Variants in LRFN5 observed in about 807,000 individuals in gnomAD.
LRFN5 encodes leucine-rich repeat and fibronectin type-III domain-containing protein 5.
LRFN5 carries 24 observed loss-of-function variants against 45.6 expected under a neutral mutation model. The observed-to-expected ratio is 0.53, with a 90% CI of 0.38 to 0.74. LRFN5 has a LOEUF of 0.74. Ranked by LOEUF, LRFN5 falls within the 30% of genes least tolerant of loss-of-function variation. The probability of loss-of-function intolerance (pLI) is 0.00; values close to 1 mark genes in which losing one functional copy is unlikely to be tolerated. For synonymous variants in LRFN5, 340 were observed against 313.8 expected, an observed-to-expected ratio of 1.08 and a Z score of -0.88; for missense variants, 776 against 861.5, an observed-to-expected ratio of 0.90 and a Z score of 1.24.
chr14:41,623,186 A>C (rs1888195816), intron 1 of LRFN5, among the ~76,000 whole-genome samples: 1 of 152,042 alleles, frequency 6.6e-6, no homozygotes, highest in Non-Finnish European at 1.5e-5. Flanking sequence ...TGAATAAATA[A>C]TTTTCCATTT....
chr14:41,756,420 A>G (rs10135180), intron 1 of LRFN5, among the ~76,000 whole-genome samples: 116,086 of 152,088 alleles, frequency 0.76, 44,347 homozygotes, highest in East Asian at 0.97. Flanking sequence ...CGTAGATTTG[A>G]CCTTTTCACA....
intron 2 of LRFN5, among the ~76,000 whole-genome samples, chr14:41,781,112 T>A (rs1886465776): frequency 6.6e-6 from 1 of 152,142 alleles, no homozygotes; most frequent in South Asian, 2.1e-4. Flanking sequence ...TATTTTACCT[T>A]TACTTTTTCT....
In LRFN5 at chr14:41,751,060, A is replaced by G. The variant is rs563942546; in HGVS notation, c.-196-15794A>G. Among the ~76,000 whole-genome samples the G allele has an allele frequency of 2.6e-5, 4 of 152,122 alleles. No homozygotes were observed. The South Asian group carries it at 8.3e-4, about 32-fold the overall frequency. ...ATTGTTCACCTCCCACTTATGAGTGAGAACATGCTACTTTTAAAACCATCA... is the reference window on the plus strand; with the variant it reads ...ATTGTTCACCTCCCACTTATGAGTGGGAACATGCTACTTTTAAAACCATCA... On this transcript the variant is annotated intron_variant, in intron 1 of 5. Coordinates refer to ENST00000298119, the MANE Select transcript of LRFN5 (RefSeq NM_152447.5).
intron 2 of LRFN5, among the ~76,000 whole-genome samples, chr14:41,861,142 C>T (rs1889646288): frequency 6.6e-6 from 1 of 152,110 alleles, no homozygotes; most frequent in Non-Finnish European, 1.5e-5. Context: ...GCACATTTCT[C>T]TTAGGAGTTA....
chr14:41,788,814 C>A lies in LRFN5; in HGVS notation c.-21+21785C>A, dbSNP rs76310893. On this transcript the variant is annotated intron_variant, in intron 2 of 5. Coordinates refer to ENST00000298119, the MANE Select transcript of LRFN5 (RefSeq NM_152447.5). Reference sequence around the variant, plus strand: ...TGTCACGTAAGCTGCAATTCAAGTACAACTTTTTCAGAATTACTAATTCCT... The same window carrying A: ...TGTCACGTAAGCTGCAATTCAAGTAAAACTTTTTCAGAATTACTAATTCCT... 1.4e-3 allele frequency among the ~76,000 whole-genome samples: 216 copies of A among 152,118 alleles called. 1 individual carries two copies. The highest frequency in any genetic ancestry group is 3.7e-3 in the Admixed American group (57 of 15,254).
intron 1 of LRFN5, among the ~76,000 whole-genome samples, chr14:41,729,725 T>TA (rs1884087920): frequency 6.6e-6 from 1 of 152,076 alleles, no homozygotes; most frequent in South Asian, 2.1e-4. Context: ...GGCATGATTT[T>TA]AAAAAAATGA....
intron 1 of LRFN5, among the ~76,000 whole-genome samples, chr14:41,642,964 A>G (rs886887750): frequency 1.3e-5 from 2 of 152,188 alleles, no homozygotes; most frequent in African/African-American, 4.8e-5. Context: ...CATTGTCACA[A>G]TTTATACCAT....
intron 1 of LRFN5, among the ~76,000 whole-genome samples, chr14:41,756,413 A>T (rs796658476): frequency 1.2e-4 from 19 of 152,342 alleles, no homozygotes; most frequent in African/African-American, 4.6e-4. Context: ...ATTCAGACGT[A>T]GATTTGACCT....
intron 1 of LRFN5, among the ~76,000 whole-genome samples, chr14:41,754,907 T>C (rs1384088909): frequency 3.9e-5 from 6 of 152,196 alleles, no homozygotes; most frequent in Non-Finnish European, 8.8e-5. Flanking sequence ...CATTTAGTGC[T>C]ATACATTTCC....
intron 1 of LRFN5, among the ~76,000 whole-genome samples, chr14:41,732,263 G>A (rs1479652965): frequency 6.6e-6 from 1 of 152,052 alleles, no homozygotes; most frequent in Admixed American, 6.6e-5. Flanking sequence ...ATTATTGATT[G>A]CTGATTTTGA....
chr14:41,814,429 G>T (rs933491774), intron 2 of LRFN5, among the ~76,000 whole-genome samples: 1 of 152,130 alleles, frequency 6.6e-6, no homozygotes, highest in Non-Finnish European at 1.5e-5. Flanking sequence ...GAAGGCAGGT[G>T]CTTTGATTCC....
intron 2 of LRFN5, among the ~76,000 whole-genome samples, chr14:41,771,981 G>C (rs1434029344): frequency 6.6e-6 from 1 of 152,078 alleles, no homozygotes; most frequent in Non-Finnish European, 1.5e-5. Context: ...AGGATTAATT[G>C]GCTCATTATT....
chr14:41,760,194 C>A (rs891439940), intron 1 of LRFN5, among the ~76,000 whole-genome samples: 1 of 152,146 alleles, frequency 6.6e-6, no homozygotes, highest in African/African-American at 2.4e-5. Flanking sequence ...ATGATACATT[C>A]TGCTACACGT....
At chr14:41,790,199 G>A (rs1300522778) in intron 2 of LRFN5, among the ~76,000 whole-genome samples, 2 of 151,836 alleles carry the variant, frequency 1.3e-5, no homozygotes, top group Non-Finnish European at 1.5e-5. Context: ...GTACTTTAAA[G>A]CTAAATTTTA....
chr14:41,727,105 C>T (rs142469377), intron 1 of LRFN5, among the ~76,000 whole-genome samples: 1 of 152,108 alleles, frequency 6.6e-6, no homozygotes, highest in Non-Finnish European at 1.5e-5. Flanking sequence ...CACCATTGAC[C>T]TTTTACAGTG....
intron 2 of LRFN5, among the ~76,000 whole-genome samples, chr14:41,836,674 T>A (rs895396946): frequency 2.0e-5 from 3 of 152,142 alleles, no homozygotes; most frequent in African/African-American, 7.2e-5. Flanking sequence ...ATTGACACGA[T>A]CTTTGGCCTT....
At chr14:41,654,051 G>A (rs1212803941) in intron 1 of LRFN5, among the ~76,000 whole-genome samples, 1 of 152,042 alleles carries the variant, frequency 6.6e-6, no homozygotes, top group African/African-American at 2.4e-5. Flanking sequence ...CCTGTCGTGG[G>A]GTTGGGGGAA....
At chr14:41,663,561 AG>A (rs1880756374) in intron 1 of LRFN5, among the ~76,000 whole-genome samples, 1 of 151,946 alleles carries the variant, frequency 6.6e-6, no homozygotes, top group African/African-American at 2.4e-5. Context: ...AATAAGAATA[AG>A]GGAGGATTAC....
chr14:41,769,318 T>C (rs1363823179), intron 2 of LRFN5, among the ~76,000 whole-genome samples: 1 of 152,194 alleles, frequency 6.6e-6, no homozygotes, highest in Non-Finnish European at 1.5e-5. Flanking sequence ...ATGATTATTT[T>C]TCTCACTCTG....
Sources: gnomAD v4.1 joint callset for allele counts (sites outside exome capture counted in the v4.1 genomes callset) on GRCh38, gnomAD v4.1.1 for gene constraint, MANE v1.5 for transcripts, NCBI Gene and HGNC (gene_info 2026-07-23, HGNC 2026-07-21) for gene names.